Variants in HECW1 observed in about 807,000 individuals in gnomAD.
HECW1 encodes the protein E3 ubiquitin-protein ligase HECW1.
Under a neutral mutation model 182.3 loss-of-function variants are expected in HECW1, and 61 were observed. The ratio of observed to expected loss-of-function variants is 0.33; its 90% CI spans 0.27 to 0.41. The LOEUF (loss-of-function observed/expected upper bound fraction) is 0.41, where lower values mean the gene tolerates loss of function less well. HECW1 is among the 10% of genes least tolerant of loss of function. The probability of loss-of-function intolerance (pLI) is 1.00; values close to 1 mark genes in which losing one functional copy is unlikely to be tolerated. For synonymous variants in HECW1, 859 were observed against 832.6 expected, an observed-to-expected ratio of 1.03 and a Z score of -0.55; for missense variants, 1,739 against 2,108.9, an observed-to-expected ratio of 0.82 and a Z score of 3.44.
At chr7:43,361,872 G>A (rs1815974026) in intron 6 of HECW1, among the ~76,000 whole-genome samples, 1 of 135,570 alleles carries the variant, frequency 7.4e-6, no homozygotes, top group Non-Finnish European at 1.5e-5. Flanking sequence ...CAGGCGCAGT[G>A]GCTCACGCCT....
chr7:43,505,225 C>T (rs554919753), intron 21 of HECW1, among the ~76,000 whole-genome samples: 14 of 152,288 alleles, frequency 9.2e-5, no homozygotes, highest in Middle Eastern at 6.8e-3. Flanking sequence ...TACTCCTCCC[C>T]GTCTCAGTGA....
At chr7:43,292,833 T>C (rs1195516363) in intron 3 of HECW1, among the ~76,000 whole-genome samples, 1 of 152,188 alleles carries the variant, frequency 6.6e-6, no homozygotes, top group African/African-American at 2.4e-5. Context: ...AGTAGAGGGT[T>C]GTGACTGCAA....
intron 2 of HECW1, chr7:43,147,368 A>G (rs1459960457): frequency 6.6e-6 from 1 of 152,208 alleles, no homozygotes; most frequent in African/African-American, 2.4e-5. Context: ...CTTTGCTTGA[A>G]GAAACATGAT....
chr7:43,123,802 G>T (rs904704971), intron 2 of HECW1, among the ~76,000 whole-genome samples: 6 of 152,184 alleles, frequency 3.9e-5, no homozygotes, highest in African/African-American at 1.4e-4. Flanking sequence ...AACCGGGTGG[G>T]CTGTGGGCTG....
chr7:43,342,399 C>T lies in HECW1; in HGVS notation c.461-18487C>T, dbSNP rs951621347. 5.9e-5 allele frequency among the ~76,000 whole-genome samples: 9 copies of T among 151,764 alleles called. 1 individual carries two copies. The highest frequency in any genetic ancestry group is 8.8e-5 in the Non-Finnish European group (6 of 68,032). ...AAAAGAAATACAAATGGATATACTG[C>T]CATATAGGATAGACTGGCAGGACTC... On this transcript the variant is annotated intron_variant, in intron 5 of 29. Coordinates refer to ENST00000395891, the MANE Select transcript of HECW1 (RefSeq NM_015052.5).
At chr7:43,384,915 A>G (rs956780746) in intron 6 of HECW1, among the ~76,000 whole-genome samples, 10 of 152,102 alleles carry the variant, frequency 6.6e-5, no homozygotes, top group African/African-American at 2.4e-4. Flanking sequence ...TTTAATCGCT[A>G]TTTTAAAAAG....
chr7:43,530,689 T>A (rs2080948311), intron 24 of HECW1, among the ~76,000 whole-genome samples: 1 of 152,214 alleles, frequency 6.6e-6, no homozygotes, highest in Non-Finnish European at 1.5e-5. Flanking sequence ...AAATACCTAC[T>A]AGACATCTCC....
intron 12 of HECW1, among the ~76,000 whole-genome samples, chr7:43,452,388 T>C (rs562803630): frequency 6.6e-6 from 1 of 152,362 alleles, no homozygotes; most frequent in Admixed American, 6.5e-5. Context: ...AATTGCTTTA[T>C]ATAAGCCACT....
intron 3 of HECW1, among the ~76,000 whole-genome samples, chr7:43,266,203 C>G (rs1297232413): frequency 6.6e-6 from 1 of 152,124 alleles, no homozygotes; most frequent in East Asian, 1.9e-4. Context: ...TGTTGACAGC[C>G]CCCCATCCTG....
At chr7:43,171,550 A>C (rs553234108) in intron 2 of HECW1, among the ~76,000 whole-genome samples, 31 of 152,328 alleles carry the variant, frequency 2.0e-4, no homozygotes, top group Admixed American at 1.8e-3. Flanking sequence ...GTTCGCAAAC[A>C]AGTGGGAAAC....
At chr7:43,462,644 A>G (rs1319484061) in intron 13 of HECW1, among the ~76,000 whole-genome samples, 2 of 152,156 alleles carry the variant, frequency 1.3e-5, no homozygotes, top group African/African-American at 4.8e-5. Context: ...CCTGTGGCCT[A>G]GAGAATAACA....
chr7:43,451,045 T>C (rs1416530547), intron 12 of HECW1, 116 bp downstream of exon 12: 1 of 716,792 alleles, frequency 1.4e-6, no homozygotes, highest in Non-Finnish European at 2.4e-6. Context: ...CTTACAGTGT[T>C]AACAAAGACC....
chr7:43,300,019 A>G (rs949463842), intron 3 of HECW1, among the ~76,000 whole-genome samples: 3 of 152,234 alleles, frequency 2.0e-5, no homozygotes, highest in Non-Finnish European at 4.4e-5. Context: ...ACAGGTGTCC[A>G]TTCTGCTGTG....
At chr7:43,440,632 C>T (rs769417208) in intron 9 of HECW1, 11 of 152,206 alleles carry the variant, frequency 7.2e-5, no homozygotes, top group Non-Finnish European at 1.5e-4. Context: ...AAATGCAAAG[C>T]ATAATAAATG....
At chr7:43,207,767 C>T (rs965466300) in intron 2 of HECW1, 1 of 152,174 alleles carries the variant, frequency 6.6e-6, no homozygotes, top group Non-Finnish European at 1.5e-5. Context: ...CTTTAAAAAA[C>T]ATGGAATGCT....
rs117926516 is a variant in HECW1, at chr7:43,536,651, C to T, written c.4020-4512C>T. On this transcript the variant is annotated intron_variant, in intron 24 of 29. Coordinates refer to ENST00000395891, the MANE Select transcript of HECW1 (RefSeq NM_015052.5). ...CCTGGGGGCCCTTCAGATACAATGG[C>T]CCCCATGAGAAGCAGAAGAATGGCC... is the stretch of plus-strand genomic sequence containing the variant. 2.2e-4 allele frequency among the ~76,000 whole-genome samples: 34 copies of T among 152,230 alleles called. No individual in the cohort carries two copies. The East Asian group carries it at 6.4e-3, about 29-fold the overall frequency.
chr7:43,157,048 C>T (rs957513326), intron 2 of HECW1, among the ~76,000 whole-genome samples: 2 of 152,198 alleles, frequency 1.3e-5, no homozygotes, highest in Non-Finnish European at 2.9e-5. Context: ...ATTCGCAAAC[C>T]TGGGCTTTGT....
chr7:43,438,202 A>G, intron 9 of HECW1, 57 bp downstream of exon 9: 2 of 1,521,130 alleles, frequency 1.3e-6, no homozygotes, highest in Non-Finnish European at 1.8e-6. Context: ...GGTCGTGCCC[A>G]AAGGTGGCCT....
At chr7:43,127,148 A>G (rs1204887557) in intron 2 of HECW1, among the ~76,000 whole-genome samples, 1 of 152,210 alleles carries the variant, frequency 6.6e-6, no homozygotes, top group Admixed American at 6.5e-5. Context: ...TGCACCAAAC[A>G]GTTAGCCAAG....
Sources: gnomAD v4.1 joint callset for allele counts (sites outside exome capture counted in the v4.1 genomes callset) on GRCh38, gnomAD v4.1.1 for gene constraint, MANE v1.5 for transcripts, NCBI Gene and HGNC (gene_info 2026-07-23, HGNC 2026-07-21) for gene names.